SGCD: variants seen among roughly 807,000 people sequenced by gnomAD.
SGCD encodes the protein sarcoglycan delta.
In SGCD, 18 loss-of-function variants were observed where a neutral mutation model predicts 36.6. The observed-to-expected ratio is 0.49, with a 90% CI of 0.34 to 0.73. The LOEUF (loss-of-function observed/expected upper bound fraction) is 0.73, where lower values mean the gene tolerates loss of function less well. Among genes scored for constraint, SGCD ranks in the 30% least tolerant of loss-of-function variants. The pLI is 0.01. For missense variants in SGCD, 387 were observed against 346.7 expected (o/e 1.12, Z -0.92); for synonymous variants, 133 against 130.6 (o/e 1.02, Z -0.12).
intron 4 of SGCD, among the ~76,000 whole-genome samples, chr5:156,544,870 A>G (rs991982364): frequency 6.6e-6 from 1 of 152,194 alleles, no homozygotes; most frequent in Non-Finnish European, 1.5e-5. Flanking sequence ...AACATCATTT[A>G]TGAGGAAAGG....
the SGCD span, among the ~76,000 whole-genome samples, chr5:155,835,710 A>G: frequency 0.88 from 134,105 of 152,200 alleles, 59,172 homozygotes; most frequent in East Asian, 0.99. Flanking sequence ...TCATTATTTC[A>G]ATTGCCCATC....
chr5:155,930,680 A>G (rs1034367606), intron 1 of SGCD, among the ~76,000 whole-genome samples: 2 of 152,194 alleles, frequency 1.3e-5, no homozygotes, highest in Admixed American at 6.5e-5. Flanking sequence ...TTTATTATGT[A>G]TGATAGTCTG....
chr5:156,735,378 C>T (rs973857189), intron 7 of SGCD, among the ~76,000 whole-genome samples: 2 of 152,162 alleles, frequency 1.3e-5, no homozygotes, highest in African/African-American at 2.4e-5. Flanking sequence ...GCCTGCCCCC[C>T]ACTGCCTCTG....
At chr5:156,083,161 A>T (rs1761004574) in intron 1 of SGCD, among the ~76,000 whole-genome samples, 1 of 151,916 alleles carries the variant, frequency 6.6e-6, no homozygotes, top group Admixed American at 6.6e-5. Context: ...TATATATTCA[A>T]GATACTAGTT....
chr5:155,770,428 A>T, the SGCD span, among the ~76,000 whole-genome samples: 1 of 152,162 alleles, frequency 6.6e-6, no homozygotes, highest in African/African-American at 2.4e-5. Context: ...GCAGATGTTC[A>T]AAGACCTTGG....
intron 3 of SGCD, among the ~76,000 whole-genome samples, chr5:156,308,519 C>T (rs143032664): frequency 0.022 from 3,305 of 152,160 alleles, 45 homozygotes; most frequent in African/African-American, 0.031. Context: ...AGGATGGTCT[C>T]GATCTCCTGA....
chr5:155,952,013 A>G (rs1005349829), intron 1 of SGCD, among the ~76,000 whole-genome samples: 1 of 152,210 alleles, frequency 6.6e-6, no homozygotes, highest in East Asian at 1.9e-4. Context: ...GTTCTTTCAC[A>G]GGATGAAAGG....
rs187281592 is a variant in SGCD at position 156,049,272 on chromosome 5, T to G, written c.-281-68606T>G. ...GTCAGGTAGTGTGATGCCTCCAGCT[T>G]TGTTCTTTTGGCTTAGGATTGACTT... On this transcript the variant is annotated intron_variant, in intron 1 of 9. Coordinates refer to the SGCD transcript ENST00000517913. Among the ~76,000 whole-genome samples the G allele has an allele frequency of 4.5e-4, 65 of 146,004 alleles. 5 individuals are homozygous for G. The highest frequency in any genetic ancestry group is 8.7e-4 in the Non-Finnish European group (56 of 64,724).
At chr5:156,179,395 G>A (rs1221710043) in intron 3 of SGCD, among the ~76,000 whole-genome samples, 1 of 151,864 alleles carries the variant, frequency 6.6e-6, no homozygotes, top group African/African-American at 2.4e-5. Context: ...AAGATATTTT[G>A]TTTCCTTTTG....
At chr5:156,531,059 A>C (rs146736743) in intron 4 of SGCD, among the ~76,000 whole-genome samples, 40 of 152,300 alleles carry the variant, frequency 2.6e-4, no homozygotes, top group Middle Eastern at 3.4e-3. Context: ...CGGGGCCTTT[A>C]GGAATTGATG....
In SGCD at chr5:156,647,488, A is replaced by G. The variant is rs1249124147; in HGVS notation, c.527A>G (p.Lys176Arg). Residue 176 changes from lysine to arginine, a missense_variant, in exon 7 of 9, where the codon AAA (lysine) becomes AGA (arginine). Lys to Arg is a conservative substitution (Grantham distance 26). Coordinates refer to ENST00000337851, the MANE Select transcript of SGCD (RefSeq NM_000337.6). Reference protein sequence around the residue: ...VLGAEGTVFPKSIETPNVRAD... With the variant: ...VLGAEGTVFPRSIETPNVRAD... ...GGAGCGGAGGGCACAGTGTTCCCTA[A>G]ATCTATAGAAACACCTAATGTCAGG... The G allele has an allele frequency of 2.5e-6, 4 of 1,587,242 alleles. No homozygotes were observed. The highest frequency in any genetic ancestry group is 3.4e-6 in the Non-Finnish European group (4 of 1,164,958).
the SGCD span, among the ~76,000 whole-genome samples, chr5:155,774,884 C>A: frequency 4.6e-5 from 7 of 152,158 alleles, no homozygotes; most frequent in Non-Finnish European, 8.8e-5. Context: ...CAGACCCCTA[C>A]CAGTTTATGC....
At chr5:156,250,223 A>G (rs1765541153) in intron 3 of SGCD, among the ~76,000 whole-genome samples, 1 of 152,170 alleles carries the variant, frequency 6.6e-6, no homozygotes, top group Non-Finnish European at 1.5e-5. Flanking sequence ...ATTGAAAACT[A>G]CCTCTGTTAC....
intron 3 of SGCD, among the ~76,000 whole-genome samples, chr5:156,388,492 G>A (rs187709422): frequency 1.3e-5 from 2 of 152,204 alleles, no homozygotes; most frequent in Non-Finnish European, 2.9e-5. Flanking sequence ...AGGGCCTGAA[G>A]GTATCATTTA....
intron 1 of SGCD, among the ~76,000 whole-genome samples, chr5:156,103,360 CATTACAAAG>C (rs1761569065): frequency 8.0e-6 from 1 of 124,978 alleles, no homozygotes; most frequent in African/African-American, 3.3e-5. Context: ...CATTACAAGA[CATTACAAAG>C]AATTATGTCA....
At position 156,713,567 on chromosome 5, in the gene SGCD, G is replaced by A. The variant is rs182265957; in HGVS notation, c.576-44014G>A. On this transcript the variant is annotated intron_variant, in intron 7 of 8. Coordinates refer to ENST00000337851, the MANE Select transcript of SGCD (RefSeq NM_000337.6). ...CAGAACCTTATATTGTCAGACTTCA[G>A]CCTCCTTTTCCTGTGAGTTAATCTT... Among the ~76,000 whole-genome samples, 13 of 152,302 alleles carry A rather than the reference G, an allele frequency of 8.5e-5. No individual in the cohort carries two copies. The East Asian group carries it at 2.5e-3, about 29-fold the overall frequency.
chr5:155,963,519 A>G (rs767102436), intron 1 of SGCD, among the ~76,000 whole-genome samples: 2 of 152,106 alleles, frequency 1.3e-5, no homozygotes, highest in Non-Finnish European at 2.9e-5. Context: ...AGTGATGATA[A>G]TATTTCTTGA....
intron 3 of SGCD, among the ~76,000 whole-genome samples, chr5:156,266,585 C>G (rs1367837607): frequency 1.3e-5 from 2 of 152,176 alleles, no homozygotes; most frequent in Non-Finnish European, 2.9e-5. Context: ...TGGGCTTAAG[C>G]TATCCTCCTG....
chr5:156,535,427 T>C (rs1482158745), intron 4 of SGCD, among the ~76,000 whole-genome samples: 1 of 152,210 alleles, frequency 6.6e-6, no homozygotes, highest in Non-Finnish European at 1.5e-5. Flanking sequence ...TGAAATTCTT[T>C]TCAAAATGCC....
Sources: allele counts gnomAD v4.1 joint callset (sites outside exome capture counted in the v4.1 genomes callset), GRCh38; gene constraint gnomAD v4.1.1; transcripts MANE v1.5; gene names NCBI Gene and HGNC (gene_info 2026-07-23, HGNC 2026-07-21).